RERE: variants seen among roughly 807,000 people sequenced by gnomAD.
The protein encoded by RERE is arginine-glutamic acid dipeptide repeats, also known as arginine-glutamic acid dipeptide repeats protein.
In RERE, 40 loss-of-function variants were observed where a neutral mutation model predicts 146.1. The ratio of observed to expected loss-of-function variants is 0.27; its 90% CI spans 0.21 to 0.36. The LOEUF is 0.36. Among genes scored for constraint, RERE ranks in the 10% least tolerant of loss-of-function variants. The pLI, the probability that RERE is intolerant of heterozygous loss-of-function variation, is 1.00. For synonymous variants in RERE, 1,003 were observed against 866.0 expected (o/e 1.16, Z -2.78); for missense variants, 1,933 against 2,138.7 (o/e 0.90, Z 1.90).
At chr1:8,411,242 G>A (rs1643606614) in intron 12 of RERE, among the ~76,000 whole-genome samples, 1 of 151,486 alleles carries the variant, frequency 6.6e-6, no homozygotes, top group South Asian at 2.1e-4. Flanking sequence ...GCCATAAAAT[G>A]GAGAGAGGCA....
At chr1:8,664,496 T>C (rs1211973751) in intron 1 of RERE, among the ~76,000 whole-genome samples, 1 of 152,162 alleles carries the variant, frequency 6.6e-6, no homozygotes, top group Non-Finnish European at 1.5e-5. Context: ...GTGAAAACTG[T>C]TCACCTGGGG....
intron 12 of RERE, among the ~76,000 whole-genome samples, chr1:8,412,437 T>G (rs1229303283): frequency 6.6e-6 from 1 of 152,190 alleles, no homozygotes; most frequent in Non-Finnish European, 1.5e-5. Flanking sequence ...CTTACAAAGC[T>G]GCAGAGATCT....
intron 1 of RERE, among the ~76,000 whole-genome samples, chr1:8,772,108 G>T (rs981064789): frequency 1.3e-5 from 2 of 151,766 alleles, no homozygotes; most frequent in African/African-American, 4.8e-5. Context: ...CATATAACTA[G>T]AAAAAGAGAC....
chr1:8,684,305 A>G (rs1639037678), intron 1 of RERE, among the ~76,000 whole-genome samples: 1 of 152,360 alleles, frequency 6.6e-6, no homozygotes, highest in Admixed American at 6.5e-5. Flanking sequence ...ATAATTAGGT[A>G]TATTAAAATA....
intron 7 of RERE, among the ~76,000 whole-genome samples, chr1:8,510,278 C>T (rs957698272): frequency 5.3e-5 from 8 of 151,734 alleles, no homozygotes; most frequent in Non-Finnish European, 8.8e-5. Context: ...CAAAATGAGG[C>T]GGCTTCAAGA....
intron 11 of RERE, among the ~76,000 whole-genome samples, chr1:8,451,503 A>G (rs1203290662): frequency 6.6e-6 from 1 of 152,018 alleles, no homozygotes; most frequent in Non-Finnish European, 1.5e-5. Context: ...CCAATCTTCC[A>G]CCCACTTTGG....
intron 10 of RERE, among the ~76,000 whole-genome samples, chr1:8,480,140 T>TG (rs1644813761): frequency 2.2e-5 from 2 of 92,098 alleles, no homozygotes; most frequent in African/African-American, 7.8e-5. Flanking sequence ...TTTTTTTTTT[T>TG]TTGTTTTTTT....
chr1:8,439,521 A>T (rs1644217690), intron 11 of RERE, among the ~76,000 whole-genome samples: 1 of 152,242 alleles, frequency 6.6e-6, no homozygotes, highest in East Asian at 1.9e-4. Context: ...CTACGAAGCT[A>T]GAGGTCAAGA....
At chr1:8,786,358 T>C (rs978499044) in intron 1 of RERE, 27 of 847,482 alleles carry the variant, frequency 3.2e-5, no homozygotes, top group Admixed American at 1.0e-4. Context: ...TCCAACAGTA[T>C]AGATGTCATG....
chr1:8,408,189 G>C (rs754260660), intron 12 of RERE, among the ~76,000 whole-genome samples: 5 of 151,632 alleles, frequency 3.3e-5, no homozygotes, highest in Non-Finnish European at 5.9e-5. Context: ...CCTTGGCTAA[G>C]TTAACCTCCT....
intron 11 of RERE, chr1:8,424,131 C>G: frequency 6.6e-6 from 1 of 152,314 alleles, no homozygotes; most frequent in East Asian, 1.9e-4. Flanking sequence ...ACGCCCTCCG[C>G]CCCAACCCCG....
At chr1:8,597,626 T>C (rs1646570871) in intron 4 of RERE, among the ~76,000 whole-genome samples, 1 of 152,186 alleles carries the variant, frequency 6.6e-6, no homozygotes, top group African/African-American at 2.4e-5. Context: ...TTTGCTGTCA[T>C]GGGGAGGGAA....
At chr1:8,509,901 T>C (rs868000510) in intron 7 of RERE, among the ~76,000 whole-genome samples, 3 of 152,224 alleles carry the variant, frequency 2.0e-5, no homozygotes, top group African/African-American at 7.2e-5. Context: ...GTGTTTGAAA[T>C]TGTTAAAAAT....
At chr1:8,500,983 C>G (rs1192622578) in intron 8 of RERE, among the ~76,000 whole-genome samples, 3 of 140,238 alleles carry the variant, frequency 2.1e-5, no homozygotes, top group African/African-American at 7.8e-5. Flanking sequence ...GCAGCCACCC[C>G]GTCTGGGAAG....
At chr1:8,380,985 CAT>C (rs746502149) in intron 12 of RERE, 3 of 456,708 alleles carry the variant, frequency 6.6e-6, no homozygotes, top group South Asian at 4.6e-5. Flanking sequence ...GTTTTTCCCA[CAT>C]GTCCTGCCTC....
intron 1 of RERE, among the ~76,000 whole-genome samples, chr1:8,733,200 G>T (rs1464623475): frequency 6.6e-6 from 1 of 152,074 alleles, no homozygotes; most frequent in Non-Finnish European, 1.5e-5. Flanking sequence ...AGTGAGTGTT[G>T]GGAGTCACTC....
At chr1:8,711,927 T>C (rs1639675168) in intron 1 of RERE, among the ~76,000 whole-genome samples, 1 of 152,128 alleles carries the variant, frequency 6.6e-6, no homozygotes, top group African/African-American at 2.4e-5. Flanking sequence ...TAAATGAAAA[T>C]ACTTTAAAAT....
rs1643563811 is a variant in RERE, at chr1:8,409,872, T to A, written c.1284+12855A>T. Reference sequence around the variant, plus strand: ...GAGCCTACTATTTCATGCATGATGATGTTGGGCTCTGGCACTGGAAATCTT... The same window carrying A: ...GAGCCTACTATTTCATGCATGATGAAGTTGGGCTCTGGCACTGGAAATCTT... On this transcript the variant is annotated intron_variant, in intron 12 of 22. Transcript: ENST00000400908. Among the ~76,000 whole-genome samples, 3 of 152,142 alleles carry A rather than the reference T, an allele frequency of 2.0e-5. No individual in the cohort carries two copies. In the South Asian group the frequency reaches 6.2e-4, roughly 32 times the overall value.
chr1:8,495,215 G>T, intron 9 of RERE, 53 bp from the exon 10 acceptor site: 1 of 1,296,402 alleles, frequency 7.7e-7, no homozygotes, highest in Non-Finnish European at 1.1e-6. Flanking sequence ...TCAGGACAGA[G>T]ACTTAGACCT....
Sources: allele counts gnomAD v4.1 joint callset (sites outside exome capture counted in the v4.1 genomes callset), GRCh38; gene constraint gnomAD v4.1.1; transcripts MANE v1.5; gene names NCBI Gene and HGNC (gene_info 2026-07-23, HGNC 2026-07-21).